GON4L: variants seen among roughly 807,000 people sequenced by gnomAD.
GON4L encodes GON-4-like protein.
In GON4L, 87 loss-of-function variants were observed where a neutral mutation model predicts 211.8. The observed-to-expected ratio is 0.41, with a 90% CI of 0.35 to 0.49. The LOEUF (loss-of-function observed/expected upper bound fraction) is 0.49. Among genes scored for constraint, GON4L ranks in the 20% least tolerant of loss-of-function variants. The pLI is 0.15. For missense variants in GON4L, 2,155 were observed against 2,659.5 expected (o/e 0.81, Z 4.17); for synonymous variants, 875 against 962.6 (o/e 0.91, Z 1.68).
At chr1:155,789,935 T>A (rs1665354995) in intron 12 of GON4L, among the ~76,000 whole-genome samples, 1 of 152,072 alleles carries the variant, frequency 6.6e-6, no homozygotes, top group African/African-American at 2.4e-5. Context: ...CCTTATTATT[T>A]TTTATTTATT....
chr1:155,776,551 T>A, intron 15 of GON4L, 70 bp from the exon 16 acceptor site: 1 of 360,242 alleles, frequency 2.8e-6, no homozygotes, highest in Non-Finnish European at 3.7e-6. Flanking sequence ...AGAGAGATCT[T>A]TTTTTTTTTT....
chr1:155,782,648 A>G (rs1664533254), intron 14 of GON4L, among the ~76,000 whole-genome samples: 1 of 152,166 alleles, frequency 6.6e-6, no homozygotes, highest in East Asian at 1.9e-4. Flanking sequence ...AATTATTTCT[A>G]TACTTTACAA....
chr1:155,785,242 C>G (rs763988210), intron 13 of GON4L, 92 bp downstream of exon 13: 2 of 850,276 alleles, frequency 2.4e-6, no homozygotes, highest in South Asian at 1.3e-5. Flanking sequence ...CAGACCCCCT[C>G]TCCTAGAGGG....
intron 21 of GON4L, among the ~76,000 whole-genome samples, 154 bp from the exon 22 acceptor site, chr1:155,763,718 A>G (rs1028451355): frequency 4.6e-5 from 7 of 152,188 alleles, no homozygotes; most frequent in African/African-American, 1.7e-4. Context: ...AATCCCAGCA[A>G]TGGGCCAGGT....
chr1:155,771,062 C>A lies in GON4L; in HGVS notation c.2646+5G>T. On this transcript the variant is annotated splice_donor_5th_base_variant and intron_variant, in intron 19 of 31. Transcript: ENST00000368331. ...GCCCGGATGGCGCATGCAGGAAACACTCACTTTAATGATGTTGTCAGGAGC... is the reference window on the plus strand; with the variant it reads ...GCCCGGATGGCGCATGCAGGAAACAATCACTTTAATGATGTTGTCAGGAGC... The A allele has an allele frequency of 6.2e-7, 1 of 1,614,142 alleles. No individual in the cohort carries two copies. The highest frequency in any genetic ancestry group is 8.5e-7 in the Non-Finnish European group (1 of 1,180,020).
intron 6 of GON4L, among the ~76,000 whole-genome samples, chr1:155,819,492 G>A (rs2102237550): frequency 6.6e-6 from 1 of 151,972 alleles, no homozygotes; most frequent in African/African-American, 2.4e-5. Flanking sequence ...CTGGCTTCAA[G>A]CAATCTTCCT....
rs559544725 is a variant in GON4L at position 155,834,567 on chromosome 1, C to T, written c.506-7539G>A. On this transcript the variant is annotated intron_variant, in intron 2 of 31. Transcript: ENST00000368331. ...CAGGACTTGTTTTCCAAGCACTGTTCGAAAGACCCCGCTGAACAAAACAGG... is the reference window on the plus strand; with the variant it reads ...CAGGACTTGTTTTCCAAGCACTGTTTGAAAGACCCCGCTGAACAAAACAGG... Among the ~76,000 whole-genome samples, 196 of 152,164 alleles carry T rather than the reference C, an allele frequency of 1.3e-3. 1 individual carries two copies. The highest frequency in any genetic ancestry group is 4.5e-3 in the African/African-American group (185 of 41,526).
At chr1:155,792,525 A>G (rs1003562426) in intron 12 of GON4L, among the ~76,000 whole-genome samples, 1 of 152,170 alleles carries the variant, frequency 6.6e-6, no homozygotes, top group East Asian at 1.9e-4. Flanking sequence ...ATAAGCAATT[A>G]TGAGGTGATC....
rs960455033 is a variant in GON4L at position 155,831,117 on chromosome 1, G to A, written c.506-4089C>T. Among the ~76,000 whole-genome samples the A allele has an allele frequency of 2.6e-5, 4 of 152,028 alleles. No individual in the cohort carries two copies. In the East Asian group the frequency reaches 7.7e-4, roughly 29 times the overall value. ...AGTTTGATACCAGCCTGGTTAATGTGGTGAAACGCTATCTCGACAAAAAAT... is the reference window on the plus strand; with the variant it reads ...AGTTTGATACCAGCCTGGTTAATGTAGTGAAACGCTATCTCGACAAAAAAT... On this transcript the variant is annotated intron_variant, in intron 2 of 31. Coordinates refer to ENST00000368331, the MANE Select transcript of GON4L (RefSeq NM_001282860.2).
intron 17 of GON4L, 192 bp from the exon 18 acceptor site, chr1:155,773,402 C>T (rs1472684855): frequency 3.3e-6 from 2 of 607,782 alleles, no homozygotes; most frequent in East Asian, 5.6e-5. Flanking sequence ...GAGTCCCATT[C>T]AATGGCAATA....
At position 155,811,794 on chromosome 1, in the gene GON4L, G is replaced by C. The variant is rs190045320; in HGVS notation, c.1452+1840C>G. Among the ~76,000 whole-genome samples the C allele has an allele frequency of 5.0e-3, 739 of 147,794 alleles. 7 individuals are homozygous for C. The highest frequency in any genetic ancestry group is 0.018 in the African/African-American group (716 of 39,062). ...AAAAAAAAAAAGAAGGCTGGGCGCG[G>C]TGGCTGACGCATGTCATCTCAGCAC... On this transcript the variant is annotated intron_variant, in intron 10 of 31. Coordinates refer to ENST00000368331, the MANE Select transcript of GON4L (RefSeq NM_001282860.2).
chr1:155,853,614 AC>A lies in GON4L; in HGVS notation c.166del (p.Val56Ter), dbSNP rs1321307219. The stretch of plus-strand genomic sequence containing the variant: ...CAAAGACTGTACTTCGAAGCCAGCT[AC>A]TCTGCCATGACTTGGATCCCAGGAT... Reference protein sequence around the residue: ...SLSWDPSHGRVAGFEVQSLQD... With the variant: ...SLSWDPSHGRXAGFEVQSLQD... On this transcript the variant is annotated frameshift_variant, in exon 2 of 32. Transcript: ENST00000368331. LOFTEE classifies it high-confidence loss of function. 1.9e-6 allele frequency: 3 copies of A among 1,613,982 alleles called. No individual in the cohort carries two copies. In the Admixed American group the frequency reaches 5.0e-5, roughly 27 times the overall value.
At chr1:155,828,827 AAT>A (rs1553216015) in intron 2 of GON4L, among the ~76,000 whole-genome samples, 9 of 151,600 alleles carry the variant, frequency 5.9e-5, no homozygotes, top group African/African-American at 2.2e-4. Flanking sequence ...AAAAAAAAAA[AAT>A]GGTAAACATC....
Position 155,826,924 on chromosome 1 carries a change from A to T in GON4L, c.610T>A (p.Cys204Ser). 6.2e-7 allele frequency: 1 copy of T among 1,614,032 alleles called. No individual in the cohort carries two copies. Among genetic ancestry groups the T allele is most frequent in the Non-Finnish European group, 8.5e-7 (1 of 1,179,854 alleles). The change falls in exon 3 of 32, where the codon TGT (cysteine) becomes AGT (serine). Residue 204 changes from cysteine to serine, a missense_variant. By Grantham distance (112) the Cys-to-Ser change is moderately radical. This residue lies in a region of GON4L where 313 missense variants were observed against 293.2 expected (regional missense o/e 1.07). Transcript: ENST00000368331. ...QPRKSTQPDV[C>S]ASPQEKPLRT... is the part of the protein sequence containing the mutation. ...AGTGGCTTTTCTTGAGGAGAGGCAC[A>T]AACATCTGGCTGGGTTGATTTCCTG...
At chr1:155,836,937 A>C (rs1298237616) in intron 2 of GON4L, among the ~76,000 whole-genome samples, 1 of 152,150 alleles carries the variant, frequency 6.6e-6, no homozygotes, top group Non-Finnish European at 1.5e-5. Context: ...CTGGGATGTC[A>C]GAGTCACATT....
intron 25 of GON4L, 114 bp from the exon 26 acceptor site, chr1:155,757,437 C>A: frequency 1.1e-6 from 1 of 896,626 alleles, no homozygotes. Context: ...GGGAAACACA[C>A]AGAGACTCTG....
At chr1:155,754,594 A>G in intron 27 of GON4L, 106 bp from the exon 28 acceptor site, 1 of 667,242 alleles carries the variant, frequency 1.5e-6, no homozygotes. Context: ...CAGTGGCACG[A>G]TGTCAGCTCA....
intron 12 of GON4L, among the ~76,000 whole-genome samples, chr1:155,791,935 A>C (rs1423115370): frequency 2.1e-5 from 3 of 144,014 alleles, no homozygotes; most frequent in African/African-American, 8.1e-5. Context: ...CACATAACAT[A>C]ACATAACATA....
intron 2 of GON4L, among the ~76,000 whole-genome samples, chr1:155,828,437 G>A (rs1188934795): frequency 1.3e-5 from 2 of 151,634 alleles, no homozygotes; most frequent in Admixed American, 1.3e-4. Flanking sequence ...GTTGCAGTGA[G>A]CCAAGATAGT....
Sources: gnomAD v4.1 joint callset for allele counts (sites outside exome capture counted in the v4.1 genomes callset) on GRCh38, gnomAD v4.1.1 for gene constraint, gnomAD v4.1.1 regional missense constraint, MANE v1.5 for transcripts, NCBI Gene and HGNC (gene_info 2026-07-23, HGNC 2026-07-21) for gene names.